ASB6: variants seen among roughly 807,000 people sequenced by gnomAD.
ASB6 encodes ankyrin repeat and SOCS box containing 6.
A neutral mutation model predicts 28.6 loss-of-function variants in ASB6; 24 were observed. The observed-to-expected ratio is 0.84, with a 90% CI of 0.61 to 1.18. ASB6 has a LOEUF of 1.18. Among genes scored for constraint, ASB6 ranks in the 50% most tolerant of loss-of-function variants. The probability of loss-of-function intolerance (pLI) is 0.00; values close to 1 mark genes in which losing one functional copy is unlikely to be tolerated. For synonymous variants in ASB6, 267 were observed against 243.4 expected (o/e 1.10, Z -0.90); for missense variants, 519 against 559.8 (o/e 0.93, Z 0.74).
At position 129,637,688 on chromosome 9, in the gene ASB6, C is replaced by T. The variant is rs1387812022; in HGVS notation, c.*102G>A. ...GCTTTTCTCATGAAGGATCCCGTCT[C>T]ATCTCCCAGATCAAAAAGACCCTCT... is the stretch of plus-strand genomic sequence containing the variant. On this transcript the variant is annotated 3_prime_UTR_variant, in exon 6 of 6. Coordinates refer to ENST00000277458, the MANE Select transcript of ASB6 (RefSeq NM_017873.4). 4 of 1,245,072 alleles carry T rather than the reference C, an allele frequency of 3.2e-6. No homozygotes were observed. The African/African-American group carries it at 6.0e-5, about 19-fold the overall frequency. 77.1% of individuals were successfully genotyped at this position (1,245,072 alleles called of 1,614,324 possible). A position where few individuals can be genotyped will look rare whatever the true frequency, so the allele number is the denominator to read the frequency against.
At position 129,635,378 on chromosome 9, in the gene ASB6, A is replaced by G; in HGVS notation, c.*2412T>C. ...TGACGTGGTCCGCAGGATCATCTGC[A>G]GTGCAGGCCTCAGCCTCCTGGCCGA... On this transcript the variant is annotated 3_prime_UTR_variant, in exon 6 of 6. Coordinates refer to ENST00000277458, the MANE Select transcript of ASB6 (RefSeq NM_017873.4). The G allele has an allele frequency of 6.2e-7, 1 of 1,613,772 alleles. No homozygotes were observed. The highest frequency in any genetic ancestry group is 8.5e-7 in the Non-Finnish European group (1 of 1,180,028).
intron 1 of ASB6, chr9:129,641,326 A>C (rs1588151677): frequency 6.6e-6 from 1 of 152,430 alleles, no homozygotes; most frequent in Non-Finnish European, 1.5e-5. Context: ...CCTCCCTTCC[A>C]CCTCGCGTGC....
intron 3 of ASB6, 30 bp downstream of exon 3, chr9:129,639,372 G>A (rs374379078): frequency 6.2e-7 from 1 of 1,601,614 alleles, no homozygotes; most frequent in African/African-American, 1.3e-5. Context: ...GCCCAACCCT[G>A]CTTCAAAGCA....
Position 129,638,246 on chromosome 9 carries a change from A to T in ASB6, c.810T>A (p.Phe270Leu). ...ESLTHICLKS[F>L]KLHFPLLRFL... is the part of the protein sequence containing the mutation. Reference sequence around the variant, plus strand: ...AGCGCAGGAGAGGGAAGTGCAGTTTAAAGCTCTTCAGGCAGATGTGGGTGA... The same window carrying T: ...AGCGCAGGAGAGGGAAGTGCAGTTTTAAGCTCTTCAGGCAGATGTGGGTGA... Residue 270 changes from phenylalanine (F) to leucine (L), a missense_variant, in exon 6 of 6, where the codon TTT (phenylalanine) becomes TTA (leucine). Phe to Leu is a conservative substitution (Grantham distance 22, BLOSUM62 0). Transcript: ENST00000277458. 1 of 1,613,570 alleles carries T rather than the reference A, an allele frequency of 6.2e-7. No homozygotes were observed. The highest frequency in any genetic ancestry group is 8.5e-7 in the Non-Finnish European group (1 of 1,179,982).
intron 2 of ASB6, among the ~76,000 whole-genome samples, chr9:129,640,237 G>A (rs1231539605): frequency 6.6e-6 from 1 of 152,222 alleles, no homozygotes; most frequent in Admixed American, 6.5e-5. Flanking sequence ...CACAGTGCCA[G>A]CAGCCGCATT....
chr9:129,640,078 T>A (rs1831658086), intron 2 of ASB6, among the ~76,000 whole-genome samples: 1 of 152,046 alleles, frequency 6.6e-6, no homozygotes, highest in Non-Finnish European at 1.5e-5. Context: ...TCCATCTCCA[T>A]CCCTGGCACT....
chr9:129,640,848 A>AT (rs1365351707), intron 1 of ASB6, 126 bp from the exon 2 acceptor site: 1 of 1,163,180 alleles, frequency 8.6e-7, no homozygotes, highest in Non-Finnish European at 1.2e-6. Context: ...TGTGGGTCAC[A>AT]GGGGCTTGGG....
In ASB6 at chr9:129,639,456, C is replaced by G; in HGVS notation, c.348G>C (p.Pro116=). The stretch of plus-strand genomic sequence containing the variant: ...GATGCACCAGCAGCTCCACCATGTC[C>G]GGCTGGTTCCGCAGGACGGCGATGT... ...ALHIAVLRNQ[P]DMVELLVHHG... Residue 116 remains proline, a synonymous_variant, in exon 3 of 6, where the codon CCG becomes CCC. Coordinates refer to ENST00000277458, the MANE Select transcript of ASB6 (RefSeq NM_017873.4). 6.2e-7 allele frequency: 1 copy of G among 1,613,840 alleles called. No individual in the cohort carries two copies. The highest frequency in any genetic ancestry group is 1.3e-5 in the African/African-American group (1 of 75,068).
At position 129,638,407 on chromosome 9, in the gene ASB6, T is replaced by C; in HGVS notation, c.649A>G (p.Ile217Val). Residue 217 changes from isoleucine to valine, a missense_variant, in exon 6 of 6, where the codon ATC becomes GTC. Ile to Val is a conservative substitution (Grantham distance 29). Transcript: ENST00000277458. ...ACGGTCTCACCAAGCAGGAAGATGA[T>C]GCAGGTGAACACTGTGTCCCCATCT... is the stretch of plus-strand genomic sequence containing the variant. ...TKDGDTVFTC[I>V]IFLLGETVGG... 1.2e-6 allele frequency: 2 copies of C among 1,613,786 alleles called. No individual in the cohort carries two copies. The highest frequency in any genetic ancestry group is 1.7e-5 in the Admixed American group (1 of 60,008).
At chr9:129,641,533 C>A (rs1831698912) in intron 1 of ASB6, among the ~76,000 whole-genome samples, 1 of 152,244 alleles carries the variant, frequency 6.6e-6, no homozygotes, top group Non-Finnish European at 1.5e-5. Context: ...CAAAAGCCCA[C>A]CTTCACACTG....
intron 4 of ASB6, 68 bp from the exon 5 acceptor site, chr9:129,638,727 G>A: frequency 7.7e-7 from 1 of 1,303,996 alleles, no homozygotes; most frequent in Non-Finnish European, 1.1e-6. Flanking sequence ...ACCCAGAGGA[G>A]GTGGCAGAAA....
intron 5 of ASB6, 50 bp downstream of exon 5, chr9:129,638,523 C>T (rs1349239548): frequency 1.1e-5 from 17 of 1,611,312 alleles, no homozygotes; most frequent in Non-Finnish European, 1.4e-5. Context: ...CAACAGCACA[C>T]ATCGAAGGGG....
At chr9:129,639,605 T>A in intron 2 of ASB6, 97 bp from the exon 3 acceptor site, 1 of 1,091,694 alleles carries the variant, frequency 9.2e-7, no homozygotes, top group Non-Finnish European at 1.3e-6. Flanking sequence ...ACCTAAAGTG[T>A]CCAGAAGCAC....
intron 2 of ASB6, 32 bp from the exon 3 acceptor site, chr9:129,639,540 T>C (rs1284621463): frequency 6.3e-7 from 1 of 1,583,052 alleles, no homozygotes; most frequent in Admixed American, 1.7e-5. Flanking sequence ...ATGTGGGTCC[T>C]ATCTGTCCGC....
chr9:129,640,578 G>A lies in ASB6; in HGVS notation c.258C>T (p.Asp86=), dbSNP rs548073446. 9.3e-6 allele frequency: 15 copies of A among 1,612,342 alleles called. No homozygotes were observed. The South Asian group carries it at 9.9e-5, about 11-fold the overall frequency. The change falls in exon 2 of 6, where the codon GAC becomes GAT. Residue 86 remains aspartate, a synonymous_variant. Coordinates refer to ENST00000277458, the MANE Select transcript of ASB6 (RefSeq NM_017873.4). The part of the protein sequence containing the change: ...MAELGLTRAA[D]VLLRHGANLN... ...GATTGGCCCCATGCCGCAAGAGAAC[G>A]TCGGCCGCCCGCGTCAGCCCCAGCT...
Position 129,638,624 on chromosome 9 carries a change from C to G in ASB6, c.547G>C (p.Asp183His). 1 of 1,613,848 alleles carries G rather than the reference C, an allele frequency of 6.2e-7. No individual in the cohort carries two copies. The highest frequency in any genetic ancestry group is 8.5e-7 in the Non-Finnish European group (1 of 1,179,886). ...TCAGTATTGTGGATCTGCACCCCGT[C>G]GCTGCTGGCCAGAGCATGGAGCAGA... ...TALLHALASS[D>H]GVQIHNTENI... The change falls in exon 5 of 6, where the codon GAC becomes CAC. Residue 183 changes from aspartate to histidine, a missense_variant. Physicochemically the swap from Asp to His is moderately conservative, Grantham distance 81. Transcript: ENST00000277458.
chr9:129,635,194 T>C lies in ASB6; in HGVS notation c.*2596A>G, dbSNP rs1831463973. 1 of 1,600,800 alleles carries C rather than the reference T, an allele frequency of 6.2e-7. No individual in the cohort carries two copies. Among genetic ancestry groups the C allele is most frequent in the African/African-American group, 1.3e-5 (1 of 74,958 alleles). ...TGCATGGTGCCCTGGTAACCTTGCCTCTGCCCTCCCCAGGCCACCTCACCG... is the reference window on the plus strand; with the variant it reads ...TGCATGGTGCCCTGGTAACCTTGCCCCTGCCCTCCCCAGGCCACCTCACCG... On this transcript the variant is annotated 3_prime_UTR_variant, in exon 6 of 6. Coordinates refer to ENST00000277458, the MANE Select transcript of ASB6 (RefSeq NM_017873.4).
rs752225601 is a variant in ASB6, at chr9:129,640,562, C to T, written c.274G>A (p.Gly92Arg). The T allele has an allele frequency of 3.7e-6, 6 of 1,611,230 alleles. No homozygotes were observed. The highest frequency in any genetic ancestry group is 5.1e-6 in the Non-Finnish European group (6 of 1,179,326). Residue 92 changes from glycine (G) to arginine (R), a missense_variant, in exon 2 of 6, where the codon GGG becomes AGG. By Grantham distance (125) the Gly-to-Arg change is moderately radical. Transcript: ENST00000277458. ...TGACCTTCAAAGTTGAGATTGGCCC[C>T]ATGCCGCAAGAGAACGTCGGCCGCC... ...TRAADVLLRH[G>R]ANLNFEDPVT...
At chr9:129,641,613 A>T (rs1433698809) in intron 1 of ASB6, among the ~76,000 whole-genome samples, 2 of 152,194 alleles carry the variant, frequency 1.3e-5, no homozygotes, top group Non-Finnish European at 2.9e-5. Context: ...GTGGCACAGG[A>T]CAGGCAGGCG....
Sources: gnomAD v4.1 joint callset for allele counts (sites outside exome capture counted in the v4.1 genomes callset) on GRCh38, gnomAD v4.1.1 for gene constraint, MANE v1.5 for transcripts, NCBI Gene and HGNC (gene_info 2026-07-23, HGNC 2026-07-21) for gene names.